Variants in ARHGAP24 observed in about 807,000 individuals in gnomAD.
ARHGAP24 encodes Rho GTPase activating protein 24.
Under a neutral mutation model 76.4 loss-of-function variants are expected in ARHGAP24, and 50 were observed. The ratio of observed to expected loss-of-function variants is 0.65; its 90% CI spans 0.52 to 0.83. ARHGAP24 has a LOEUF of 0.83. ARHGAP24 is among the 40% of genes least tolerant of loss of function. ARHGAP24 has a pLI of 0.00. For synonymous variants in ARHGAP24, 345 were observed against 323.3 expected (o/e 1.07, Z -0.72); for missense variants, 930 against 914.2 (o/e 1.02, Z -0.22).
intron 3 of ARHGAP24, among the ~76,000 whole-genome samples, chr4:85,811,288 A>G (rs1261123500): frequency 6.6e-6 from 1 of 152,250 alleles, no homozygotes; most frequent in East Asian, 1.9e-4. Context: ...AAATACAAAG[A>G]TTAAAATGAT....
Position 85,995,044 on chromosome 4 carries a change from T to C in ARHGAP24, c.1390T>C (p.Ser464Pro). 1 of 1,614,000 alleles carries C rather than the reference T, an allele frequency of 6.2e-7. No homozygotes were observed. The highest frequency in any genetic ancestry group is 8.5e-7 in the Non-Finnish European group (1 of 1,179,994). The change falls in exon 9 of 10, where the codon TCA becomes CCA. Residue 464 changes from serine to proline, a missense_variant. Ser to Pro is a moderately conservative substitution (Grantham distance 74). Coordinates refer to ENST00000395184, the MANE Select transcript of ARHGAP24 (RefSeq NM_001025616.3). The part of the protein sequence containing the change: ...NGSLQARRSS[S>P]LKVSGTKMGT... The stretch of plus-strand genomic sequence containing the variant: ...GAGCCTACAGGCCAGAAGGAGCTCT[T>C]CACTGAAGGTATCTGGTACCAAAAT...
chr4:85,513,080 A>G (rs1342977919), intron 1 of ARHGAP24, among the ~76,000 whole-genome samples: 3 of 152,214 alleles, frequency 2.0e-5, no homozygotes, highest in East Asian at 1.9e-4. Flanking sequence ...CACAACTGTC[A>G]TTTCTTTGGC....
intron 3 of ARHGAP24, among the ~76,000 whole-genome samples, chr4:85,746,776 C>A (rs917205693): frequency 6.6e-6 from 1 of 152,082 alleles, no homozygotes; most frequent in Non-Finnish European, 1.5e-5. Context: ...CTCAGCCTCC[C>A]AAGTAGCTGG....
chr4:85,995,740 T>C, intron 9 of ARHGAP24, 83 bp downstream of exon 9: 1 of 1,342,118 alleles, frequency 7.5e-7, no homozygotes, highest in South Asian at 1.2e-5. Flanking sequence ...GAGGGTGACA[T>C]ATGCTGGCTC....
At chr4:85,490,451 G>A (rs1296503653) in intron 1 of ARHGAP24, among the ~76,000 whole-genome samples, 1 of 152,102 alleles carries the variant, frequency 6.6e-6, no homozygotes, top group Non-Finnish European at 1.5e-5. Context: ...GCTTTTTCTT[G>A]AGTTGGTAGT....
chr4:85,729,698 T>C (rs2110050719), intron 3 of ARHGAP24, among the ~76,000 whole-genome samples: 1 of 152,344 alleles, frequency 6.6e-6, no homozygotes, highest in African/African-American at 2.4e-5. Flanking sequence ...CCACTACAGT[T>C]GTTCAACTCT....
intron 2 of ARHGAP24, among the ~76,000 whole-genome samples, chr4:85,632,989 A>AT (rs1721206188): frequency 1.3e-5 from 2 of 150,164 alleles, no homozygotes; most frequent in South Asian, 2.1e-4. Context: ...TTTCTTTTAT[A>AT]TGTATGCTTG....
chr4:85,591,613 C>G (rs1728113682), intron 2 of ARHGAP24, among the ~76,000 whole-genome samples: 1 of 152,164 alleles, frequency 6.6e-6, no homozygotes, highest in South Asian at 2.1e-4. Context: ...AGTCACAAGT[C>G]ACATAAATTC....
chr4:85,764,060 A>G (rs927782099), intron 3 of ARHGAP24, among the ~76,000 whole-genome samples: 6 of 152,156 alleles, frequency 3.9e-5, no homozygotes, highest in Non-Finnish European at 8.8e-5. Flanking sequence ...AGATTTTCAA[A>G]TATACATATG....
rs573507049 is a variant in ARHGAP24, at chr4:85,677,066, C to T, written c.181-44819C>T. ...CACACTGGGGGAAAACGATTTCGTACAGGCTTTTATACAACAAGAAGCATT... is the reference window on the plus strand; with the variant it reads ...CACACTGGGGGAAAACGATTTCGTATAGGCTTTTATACAACAAGAAGCATT... On this transcript the variant is annotated intron_variant, in intron 2 of 9. Transcript: ENST00000395184. Among the ~76,000 whole-genome samples the T allele has an allele frequency of 4.6e-5, 7 of 152,290 alleles. No individual in the cohort carries two copies. The South Asian group carries it at 6.2e-4, about 14-fold the overall frequency.
intron 3 of ARHGAP24, among the ~76,000 whole-genome samples, chr4:85,750,781 A>G (rs1385864258): frequency 6.6e-6 from 1 of 152,058 alleles, no homozygotes. Flanking sequence ...TACAGATGTG[A>G]GCCACTAGGC....
chr4:85,504,163 C>T (rs1356137934), intron 1 of ARHGAP24, among the ~76,000 whole-genome samples: 10 of 152,132 alleles, frequency 6.6e-5, no homozygotes, highest in East Asian at 5.8e-4. Flanking sequence ...AGAATAAGTG[C>T]GATGTGGTGC....
At chr4:85,656,353 A>G (rs1722170377) in intron 2 of ARHGAP24, among the ~76,000 whole-genome samples, 1 of 152,250 alleles carries the variant, frequency 6.6e-6, no homozygotes, top group Admixed American at 6.5e-5. Flanking sequence ...TTTCAGCTTA[A>G]AAGTATTTTG....
At chr4:85,655,784 T>TAGAGAGAG (rs1391776025) in intron 2 of ARHGAP24, among the ~76,000 whole-genome samples, 3 of 29,606 alleles carry the variant, frequency 1.0e-4, no homozygotes, top group South Asian at 9.1e-4. Flanking sequence ...TATATATATA[T>TAGAGAGAG]ATATATATAG....
intron 2 of ARHGAP24, among the ~76,000 whole-genome samples, chr4:85,663,414 G>C (rs1481892173): frequency 1.4e-5 from 2 of 146,640 alleles, no homozygotes; most frequent in African/African-American, 5.0e-5. Flanking sequence ...TAAGGAGATT[G>C]TGGGCTGAGA....
intron 1 of ARHGAP24, among the ~76,000 whole-genome samples, chr4:85,494,820 C>T (rs1039258784): frequency 1.5e-4 from 23 of 151,978 alleles, no homozygotes; most frequent in Non-Finnish European, 8.8e-5. Context: ...GTGACCTGGC[C>T]GGGCGCGATG....
chr4:85,774,731 C>T (rs537668881), intron 3 of ARHGAP24, among the ~76,000 whole-genome samples: 1 of 152,294 alleles, frequency 6.6e-6, no homozygotes, highest in East Asian at 1.9e-4. Flanking sequence ...GCTCTTTCCT[C>T]ATTTCCTGTC....
At chr4:85,723,264 A>G (rs1044669813) in intron 3 of ARHGAP24, 5 of 152,196 alleles carry the variant, frequency 3.3e-5, no homozygotes, top group African/African-American at 9.6e-5. Flanking sequence ...TTGACTCTTT[A>G]TCTCCAATAA....
intron 5 of ARHGAP24, among the ~76,000 whole-genome samples, chr4:85,960,755 A>G (rs1446788755): frequency 6.6e-6 from 1 of 152,056 alleles, no homozygotes; most frequent in Non-Finnish European, 1.5e-5. Flanking sequence ...CTTTTGTTGG[A>G]ATTTAATTTT....
Sources: allele counts gnomAD v4.1 joint callset (sites outside exome capture counted in the v4.1 genomes callset), GRCh38; gene constraint gnomAD v4.1.1; transcripts MANE v1.5; gene names NCBI Gene and HGNC (gene_info 2026-07-23, HGNC 2026-07-21).